CLVS1: variants seen among roughly 807,000 people sequenced by gnomAD.
CLVS1 encodes clavesin-1.
CLVS1 carries 10 observed loss-of-function variants against 33.1 expected under a neutral mutation model. The observed-to-expected ratio is 0.30, with a 90% CI of 0.19 to 0.51. The LOEUF is 0.51. CLVS1 is among the 20% of genes least tolerant of loss of function. The pLI is 0.97. For synonymous variants in CLVS1, 163 were observed against 166.1 expected (o/e 0.98, Z 0.14); for missense variants, 343 against 433.4 (o/e 0.79, Z 1.85).
chr8:61,369,745 A>G (rs1813356982), intron 2 of CLVS1, among the ~76,000 whole-genome samples: 1 of 152,186 alleles, frequency 6.6e-6, no homozygotes, highest in Non-Finnish European at 1.5e-5. Context: ...GGATGGTTGC[A>G]TGTTTGGTGA....
chr8:61,301,156 G>A (rs1810417781), intron 2 of CLVS1: 1 of 152,200 alleles, frequency 6.6e-6, no homozygotes, highest in South Asian at 2.1e-4. Flanking sequence ...GACCTGCAAA[G>A]CTATCGAAAT....
intron 3 of CLVS1, among the ~76,000 whole-genome samples, chr8:61,453,013 G>C (rs575299829): frequency 2.6e-5 from 4 of 151,866 alleles, no homozygotes; most frequent in African/African-American, 9.7e-5. Flanking sequence ...TCATATACCC[G>C]CAGGGAGCAG....
chr8:61,482,585 C>T (rs1184162409), intron 5 of CLVS1, among the ~76,000 whole-genome samples: 1 of 152,022 alleles, frequency 6.6e-6, no homozygotes, highest in Non-Finnish European at 1.5e-5. Context: ...CTGATTTGAT[C>T]AACTGGAAGA....
At chr8:61,259,435 G>A (rs1809153095) in intron 2 of CLVS1, among the ~76,000 whole-genome samples, 1 of 152,176 alleles carries the variant, frequency 6.6e-6, no homozygotes, top group Non-Finnish European at 1.5e-5. Flanking sequence ...GTCCTTAAAT[G>A]TCCAGTCAAT....
At chr8:61,175,275 G>A (rs1203157708) in intron 2 of CLVS1, among the ~76,000 whole-genome samples, 1 of 152,170 alleles carries the variant, frequency 6.6e-6, no homozygotes, top group Non-Finnish European at 1.5e-5. Flanking sequence ...AATGGGATTA[G>A]TGCCCTTATA....
intron 1 of CLVS1, among the ~76,000 whole-genome samples, chr8:61,083,555 G>A (rs944785306): frequency 1.3e-5 from 2 of 152,134 alleles, no homozygotes; most frequent in Non-Finnish European, 2.9e-5. Flanking sequence ...AGGCATCAAC[G>A]TGAACAGAAT....
chr8:61,317,720 A>G (rs1055988239), intron 2 of CLVS1, among the ~76,000 whole-genome samples: 1 of 152,210 alleles, frequency 6.6e-6, no homozygotes. Flanking sequence ...AAATGTTAAT[A>G]TAGATGCTTA....
At chr8:61,390,106 A>G (rs754333917) in intron 3 of CLVS1, among the ~76,000 whole-genome samples, 2 of 152,192 alleles carry the variant, frequency 1.3e-5, no homozygotes, top group Non-Finnish European at 2.9e-5. Flanking sequence ...AGTTCCTTAC[A>G]CATGCTCACT....
chr8:61,448,898 T>G (rs1816853765), intron 3 of CLVS1, among the ~76,000 whole-genome samples: 1 of 152,234 alleles, frequency 6.6e-6, no homozygotes. Context: ...TCATCTGGTG[T>G]TGTCCTCTAT....
At chr8:61,327,608 A>C (rs1365892844) in intron 2 of CLVS1, among the ~76,000 whole-genome samples, 1 of 152,236 alleles carries the variant, frequency 6.6e-6, no homozygotes, top group Non-Finnish European at 1.5e-5. Context: ...CAACTTTTTC[A>C]TATGATTTGA....
intron 5 of CLVS1, among the ~76,000 whole-genome samples, chr8:61,458,965 G>A (rs1174401105): frequency 6.6e-6 from 1 of 152,200 alleles, no homozygotes; most frequent in Admixed American, 6.5e-5. Context: ...AGGTACAAAT[G>A]AGAATAAGAT....
chr8:61,341,060 T>C (rs1481459846), intron 2 of CLVS1, among the ~76,000 whole-genome samples: 2 of 152,218 alleles, frequency 1.3e-5, no homozygotes, highest in Non-Finnish European at 2.9e-5. Flanking sequence ...AGATAATAGC[T>C]TTCTCTTAAA....
At chr8:61,200,368 G>T (rs372232924) in intron 2 of CLVS1, among the ~76,000 whole-genome samples, 139 of 152,326 alleles carry the variant, frequency 9.1e-4, no homozygotes, top group African/African-American at 3.3e-3. Context: ...TGATCTGCCT[G>T]CTTCAGCCTC....
At chr8:61,438,108 C>G (rs771329027) in intron 3 of CLVS1, among the ~76,000 whole-genome samples, 7 of 152,228 alleles carry the variant, frequency 4.6e-5, no homozygotes, top group African/African-American at 1.7e-4. Context: ...CACAGTTCAC[C>G]TATCAACCCA....
chr8:61,150,680 T>A (rs1159390583), intron 2 of CLVS1, among the ~76,000 whole-genome samples: 5 of 152,194 alleles, frequency 3.3e-5, no homozygotes, highest in Non-Finnish European at 7.3e-5. Flanking sequence ...GGTGTGTGCA[T>A]GTGTGTTCCT....
chr8:61,012,549 C>T, the CLVS1 span, among the ~76,000 whole-genome samples: 56 of 152,256 alleles, frequency 3.7e-4, no homozygotes, highest in African/African-American at 7.7e-4. Context: ...TTGTGAGTGT[C>T]GTGTTGTACT....
At chr8:61,146,777 CTTAACT>C (rs767412398) in intron 2 of CLVS1, among the ~76,000 whole-genome samples, 90 of 152,240 alleles carry the variant, frequency 5.9e-4, no homozygotes, top group Non-Finnish European at 1.1e-3. Flanking sequence ...AGCTGCCTCA[CTTAACT>C]TTATCTGTAG....
At chr8:61,171,563 T>C (rs1485639759) in intron 2 of CLVS1, among the ~76,000 whole-genome samples, 1 of 152,134 alleles carries the variant, frequency 6.6e-6, no homozygotes, top group African/African-American at 2.4e-5. Context: ...ACTCCAACTC[T>C]CCATATGGCT....
intron 2 of CLVS1, among the ~76,000 whole-genome samples, chr8:61,138,439 G>T (rs1016993010): frequency 6.6e-6 from 1 of 152,246 alleles, no homozygotes; most frequent in Non-Finnish European, 1.5e-5. Flanking sequence ...GGGAGTGGCT[G>T]ATCAGACTTA....
Sources: gnomAD v4.1 joint callset for allele counts (sites outside exome capture counted in the v4.1 genomes callset) on GRCh38, gnomAD v4.1.1 for gene constraint, MANE v1.5 for transcripts, NCBI Gene and HGNC (gene_info 2026-07-23, HGNC 2026-07-21) for gene names.